Variants in MAD1L1 observed in about 807,000 individuals in gnomAD.
MAD1L1 encodes the protein mitotic spindle assembly checkpoint protein MAD1.
Under a neutral mutation model 96.9 loss-of-function variants are expected in MAD1L1, and 95 were observed. The ratio of observed to expected loss-of-function variants is 0.98; its 90% CI spans 0.83 to 1.16. MAD1L1 has a LOEUF of 1.16. Ranked by LOEUF, MAD1L1 falls within the 50% of genes most tolerant of loss-of-function variation. The pLI is 0.00. For missense variants in MAD1L1, 1,007 were observed against 954.4 expected (o/e 1.06, Z -0.73); for synonymous variants, 473 against 396.6 (o/e 1.19, Z -2.29).
At position 2,146,427 on chromosome 7, in the gene MAD1L1, T is replaced by G. The variant is rs1446659047; in HGVS notation, c.1073+2725A>C. 6.6e-6 allele frequency among the ~76,000 whole-genome samples: 1 copy of G among 152,190 alleles called. No individual in the cohort carries two copies. Among genetic ancestry groups the G allele is most frequent in the Admixed American group, 6.5e-5 (1 of 15,272 alleles). On this transcript the variant is annotated intron_variant, in intron 11 of 18. Transcript: ENST00000265854. The surrounding 1 kb of genome is among the most constrained non-coding windows in gnomAD (Gnocchi z 6.2). ...CACTGGGCTACGAGGAACAGGGCAG[T>G]GGAGCCGCACCCTGAGAAGCTCCTC... is the stretch of plus-strand genomic sequence containing the variant.
chr7:1,999,367 AT>A (rs947631252), intron 14 of MAD1L1, among the ~76,000 whole-genome samples: 2 of 152,024 alleles, frequency 1.3e-5, no homozygotes, highest in African/African-American at 4.8e-5. Flanking sequence ...CAACAGCCTG[AT>A]TTTCCCTCCG....
intron 12 of MAD1L1, among the ~76,000 whole-genome samples, chr7:2,016,600 G>C (rs1021399219): frequency 3.3e-5 from 5 of 152,334 alleles, no homozygotes; most frequent in Admixed American, 1.3e-4. Flanking sequence ...AGGCGAGGAG[G>C]GCGAGGCTGC....
intron 18 of MAD1L1, among the ~76,000 whole-genome samples, chr7:1,822,812 A>G (rs1782200992): frequency 6.6e-6 from 1 of 151,386 alleles, no homozygotes; most frequent in African/African-American, 2.4e-5. Context: ...AGAGTAGAGG[A>G]ATTGCCCTTC....
intron 12 of MAD1L1, among the ~76,000 whole-genome samples, chr7:2,016,964 G>T (rs968473025): frequency 6.6e-6 from 1 of 152,264 alleles, no homozygotes; most frequent in African/African-American, 2.4e-5. Flanking sequence ...CGGGGCGGGG[G>T]ACTTCCCTTG....
At chr7:1,824,225 A>G (rs1350105201) in intron 18 of MAD1L1, among the ~76,000 whole-genome samples, 1 of 151,796 alleles carries the variant, frequency 6.6e-6, no homozygotes. Context: ...CCCCTCTTAC[A>G]CCACCTGCTT....
At chr7:1,849,518 G>T (rs1583550112) in intron 18 of MAD1L1, 1 of 152,280 alleles carries the variant, frequency 6.6e-6, no homozygotes, top group Non-Finnish European at 1.5e-5. Context: ...TGTCTGCAGG[G>T]GGCAGCCAGG....
chr7:2,007,720 G>A (rs559593520), intron 13 of MAD1L1, among the ~76,000 whole-genome samples: 2 of 152,284 alleles, frequency 1.3e-5, no homozygotes, highest in South Asian at 2.1e-4. Context: ...TCCTACTCCT[G>A]GATGTAGAGC....
intron 16 of MAD1L1, among the ~76,000 whole-genome samples, chr7:1,941,958 T>G (rs1212427477): frequency 6.6e-6 from 1 of 152,156 alleles, no homozygotes; most frequent in African/African-American, 2.4e-5. Flanking sequence ...GCCTAACGCC[T>G]GGAGAAGGCA....
Position 2,225,424 on chromosome 7 carries a change from C to T in MAD1L1, c.277G>A (p.Ala93Thr). The part of the protein sequence containing the change: ...VELERAASTS[A>T]RNYEREVDRN... ...CCTGAACCCACCTCGTAGTTCCTGG[C>T]ACTGGTGCTGGCTGCTCTCTCCAGC... The change falls in exon 4 of 19, where the codon GCC becomes ACC. Residue 93 changes from alanine to threonine, a missense_variant. Transcript: ENST00000265854. 6 of 1,613,250 alleles carry T rather than the reference C, an allele frequency of 3.7e-6. No homozygotes were observed. The highest frequency in any genetic ancestry group is 3.4e-6 in the Non-Finnish European group (4 of 1,180,008).
intron 11 of MAD1L1, among the ~76,000 whole-genome samples, chr7:2,097,196 C>G (rs1046060469): frequency 2.0e-5 from 3 of 151,610 alleles, no homozygotes; most frequent in Non-Finnish European, 4.4e-5. Context: ...CGCCCAGGCA[C>G]GCGCTCACCC....
intron 12 of MAD1L1, among the ~76,000 whole-genome samples, chr7:2,048,191 G>C (rs139936816): frequency 6.4e-4 from 98 of 152,338 alleles, no homozygotes; most frequent in African/African-American, 2.3e-3. Flanking sequence ...GCACGCATGT[G>C]CACACTGACG....
At chr7:2,016,676 G>A (rs1412192963) in intron 12 of MAD1L1, among the ~76,000 whole-genome samples, 3 of 5,762 alleles carry the variant, frequency 5.2e-4, no homozygotes, top group African/African-American at 6.6e-4. Flanking sequence ...CACGTCTGGG[G>A]CTCTCCTGCC....
chr7:2,230,987 T>C (rs777429633), intron 1 of MAD1L1, among the ~76,000 whole-genome samples: 2 of 152,194 alleles, frequency 1.3e-5, no homozygotes, highest in African/African-American at 2.4e-5. Context: ...AGTTGATGCC[T>C]GAAACTACCT....
intron 11 of MAD1L1, among the ~76,000 whole-genome samples, chr7:2,134,531 C>A (rs900559262): frequency 6.6e-6 from 1 of 152,228 alleles, no homozygotes; most frequent in African/African-American, 2.4e-5. Context: ...GTGAGTGGGA[C>A]TCCTTGCCTC....
Position 2,089,266 on chromosome 7 carries a change from T to G in MAD1L1, c.1074-19928A>C, listed in dbSNP as rs1226899043. The G allele has an allele frequency of 2.0e-5, 3 of 152,184 alleles. No homozygotes were observed. The East Asian group carries it at 5.8e-4, about 29-fold the overall frequency. The allele number at this position is 152,184 out of a possible 1,614,324, so 9.4% of individuals were successfully genotyped here. ...TAACTGGAATTGCATCTCCCAGAAT[T>G]CCCACAGGCTGTGGGAGGGACCCAG... is the stretch of plus-strand genomic sequence containing the variant. On this transcript the variant is annotated intron_variant, in intron 11 of 18. Coordinates refer to ENST00000265854, the MANE Select transcript of MAD1L1 (RefSeq NM_001013836.2).
intron 7 of MAD1L1, among the ~76,000 whole-genome samples, chr7:2,216,699 C>A (rs558064540): frequency 1.3e-5 from 2 of 152,046 alleles, no homozygotes; most frequent in African/African-American, 4.8e-5. Context: ...TAGGAGCGGG[C>A]GCAGGGGGTA....
chr7:1,886,542 G>A (rs1185580504), intron 18 of MAD1L1, among the ~76,000 whole-genome samples: 17 of 152,198 alleles, frequency 1.1e-4, no homozygotes, highest in Non-Finnish European at 4.4e-5. Flanking sequence ...ACGGTGGCAC[G>A]GGCGGGAGAG....
chr7:2,216,003 G>C lies in MAD1L1; in HGVS notation c.810-4C>G, dbSNP rs372019514. 6.2e-7 allele frequency: 1 copy of C among 1,613,742 alleles called. No individual in the cohort carries two copies. The highest frequency in any genetic ancestry group is 8.5e-7 in the Non-Finnish European group (1 of 1,179,790). ...CCCGTTGGTCTCTCTCATCTCCCTG[G>C]CAGTGCCACAAAGAGTCGCTCAAAT... On this transcript the variant is annotated splice_region_variant and splice_polypyrimidine_tract_variant and intron_variant, in intron 8 of 18. Coordinates refer to ENST00000265854, the MANE Select transcript of MAD1L1 (RefSeq NM_001013836.2).
chr7:1,963,722 G>A (rs1371470562), intron 15 of MAD1L1, among the ~76,000 whole-genome samples: 2 of 152,204 alleles, frequency 1.3e-5, no homozygotes, highest in African/African-American at 4.8e-5. Flanking sequence ...AGCAGACGCC[G>A]TGCGCTGCCC....
Sources: allele counts gnomAD v4.1 joint callset (sites outside exome capture counted in the v4.1 genomes callset), GRCh38; gene constraint gnomAD v4.1.1; non-coding constraint Gnocchi (gnomAD v3.1); transcripts MANE v1.5; gene names NCBI Gene and HGNC (gene_info 2026-07-23, HGNC 2026-07-21).